Variants in MLH3 observed in about 807,000 individuals in gnomAD.
MLH3 encodes DNA mismatch repair protein Mlh3.
Under a neutral mutation model 122.2 loss-of-function variants are expected in MLH3, and 82 were observed. The observed-to-expected ratio is 0.67, with a 90% CI of 0.56 to 0.81. The LOEUF is 0.81. Among genes scored for constraint, MLH3 ranks in the 30% least tolerant of loss-of-function variants. MLH3 has a pLI of 0.00. For missense variants in MLH3, 1,539 were observed against 1,714.5 expected (o/e 0.90, Z 1.81); for synonymous variants, 524 against 599.5 (o/e 0.87, Z 1.84).
In MLH3 at chr14:75,049,394, T is replaced by C. The variant is rs984577349; in HGVS notation, c.262A>G (p.Arg88Gly). ...GCCTCTCCTCGGAAACCATAAAACC[T>C]TGGATTCTCCAAGTCCTGTACCGAG... ...CHSVQDLENP[R>G]FYGFRGEALA... Residue 88 changes from arginine (R) to glycine (G), a missense_variant, in exon 2 of 13, where the codon AGG becomes GGG. Coordinates refer to ENST00000355774, the MANE Select transcript of MLH3 (RefSeq NM_001040108.2). 2.5e-6 allele frequency: 4 copies of C among 1,614,040 alleles called. No individual in the cohort carries two copies. The highest frequency in any genetic ancestry group is 2.5e-6 in the Non-Finnish European group (3 of 1,180,034).
chr14:75,017,554 T>G (rs1348087470), intron 12 of MLH3, among the ~76,000 whole-genome samples: 1 of 151,852 alleles, frequency 6.6e-6, no homozygotes, highest in Non-Finnish European at 1.5e-5. Context: ...AAAAAAAAAT[T>G]GAAAATGTAG....
rs28756980 is a variant in MLH3 at position 75,048,990 on chromosome 14, C to T, written c.666G>A (p.Lys222=). ...CQIYGLGKSQ[K]LREISFKYKE... is the part of the protein sequence containing the mutation. ...TATATTTAAAACTTATTTCTCTTAGCTTTTGGGACTTTCCCAATCCATAAA... is the reference window on the plus strand; with the variant it reads ...TATATTTAAAACTTATTTCTCTTAGTTTTTGGGACTTTCCCAATCCATAAA... Residue 222 remains lysine, a synonymous_variant, in exon 2 of 13, where the codon AAG becomes AAA. Transcript: ENST00000355774. The T allele has an allele frequency of 0.012, 19,037 of 1,613,986 alleles. 234 individuals are homozygous for T. The highest frequency in any genetic ancestry group is 0.051 in the African/African-American group (3,839 of 75,018).
At chr14:75,035,190 T>C (rs572583738) in intron 6 of MLH3, among the ~76,000 whole-genome samples, 1 of 151,322 alleles carries the variant, frequency 6.6e-6, no homozygotes, top group South Asian at 2.1e-4. Context: ...GAGATTCTGA[T>C]CTCAAAAACA....
intron 6 of MLH3, 150 bp from the exon 7 acceptor site, chr14:75,033,640 A>G (rs1891198764): frequency 1.5e-6 from 1 of 685,050 alleles, no homozygotes; most frequent in Non-Finnish European, 2.7e-6. Context: ...TTTATTTCCT[A>G]AAACATGAAA....
chr14:75,016,972 G>A lies in MLH3; in HGVS notation c.*110C>T. The A allele has an allele frequency of 7.6e-7, 1 of 1,313,428 alleles. No homozygotes were observed. The highest frequency in any genetic ancestry group is 1.1e-6 in the Non-Finnish European group (1 of 913,002). 81.4% of individuals were successfully genotyped at this position (1,313,428 alleles called of 1,614,324 possible). A position where few individuals can be genotyped will look rare whatever the true frequency, so the allele number is the denominator to read the frequency against. On this transcript the variant is annotated 3_prime_UTR_variant, in exon 13 of 13. Transcript: ENST00000355774. ...AGCCCTGCTGTCTAAGCTGCTCAGG[G>A]ACACTGGGCTGATTCAGTCAGGGCC... is the stretch of plus-strand genomic sequence containing the variant.
intron 4 of MLH3, 36 bp downstream of exon 4, chr14:75,041,577 GAA>G (rs34505842): frequency 5.6e-6 from 7 of 1,258,310 alleles, no homozygotes; most frequent in African/African-American, 1.5e-5. Context: ...AGAAGAAGAA[GAA>G]AAAAAAAAGG....
chr14:75,028,857 A>G (rs1404782846), intron 9 of MLH3, among the ~76,000 whole-genome samples: 1 of 151,832 alleles, frequency 6.6e-6, no homozygotes, highest in Non-Finnish European at 1.5e-5. Flanking sequence ...GCTAGAGAAA[A>G]GAAAATGTTG....
chr14:75,016,940 T>C lies in MLH3; in HGVS notation c.*142A>G, dbSNP rs1009635684. On this transcript the variant is annotated 3_prime_UTR_variant, in exon 13 of 13. Coordinates refer to ENST00000355774, the MANE Select transcript of MLH3 (RefSeq NM_001040108.2). The stretch of plus-strand genomic sequence containing the variant: ...GAATCATCTGCTCAAGAAAGACTGA[T>C]ACAGAGAGCCCTGCTGTCTAAGCTG... 5.5e-6 allele frequency: 5 copies of C among 907,136 alleles called. No homozygotes were observed. The African/African-American group carries it at 8.1e-5, about 15-fold the overall frequency. The allele number at this position is 907,136 out of a possible 1,614,324, so 56.2% of individuals were successfully genotyped here. A position where few individuals can be genotyped will look rare whatever the true frequency, so the allele number is the denominator to read the frequency against.
At chr14:75,019,126 T>C in intron 11 of MLH3, 146 bp from the exon 12 acceptor site, 1 of 762,802 alleles carries the variant, frequency 1.3e-6, no homozygotes, top group East Asian at 2.7e-5. Context: ...AATTGGTGCT[T>C]ATAGGCCGGG....
At chr14:75,030,113 C>G (rs577700667) in intron 9 of MLH3, among the ~76,000 whole-genome samples, 1 of 152,166 alleles carries the variant, frequency 6.6e-6, no homozygotes, top group South Asian at 2.1e-4. Context: ...ATGATTGCAC[C>G]ACTGCACTCC....
In MLH3 at chr14:75,048,407, C is replaced by A. The variant is rs1892420067; in HGVS notation, c.1249G>T (p.Ala417Ser). 1 of 1,608,112 alleles carries A rather than the reference C, an allele frequency of 6.2e-7. No individual in the cohort carries two copies. Among genetic ancestry groups the A allele is most frequent in the Non-Finnish European group, 8.5e-7 (1 of 1,177,940 alleles). ...GAACTCTGTGTGTTTACGTTTTCTG[C>A]AGTAGTTTTTCTTTTCACAGCTTTT... ...QSKAVKRKTT[A>S]ENVNTQSSRD... Residue 417 changes from alanine (A) to serine (S), a missense_variant, in exon 2 of 13, where the codon GCA becomes TCA. Ala to Ser is a moderately conservative substitution (Grantham distance 99). Coordinates refer to ENST00000355774, the MANE Select transcript of MLH3 (RefSeq NM_001040108.2).
chr14:75,018,760 T>G (rs1379348302), intron 12 of MLH3, 69 bp downstream of exon 12: 1 of 1,549,242 alleles, frequency 6.5e-7, no homozygotes, highest in African/African-American at 1.4e-5. Context: ...TACAGTTGCA[T>G]AGTAAAAGCC....
At chr14:75,050,622 ACT>A (rs1892593209) in intron 1 of MLH3, among the ~76,000 whole-genome samples, 1 of 151,880 alleles carries the variant, frequency 6.6e-6, no homozygotes. Context: ...CTGGTCTCGA[ACT>A]CCTGAACTCA....
Position 75,047,266 on chromosome 14 carries a change from C to T in MLH3, c.2390G>A (p.Arg797His), listed in dbSNP as rs28756991. 3.5e-3 allele frequency: 5,663 copies of T among 1,614,070 alleles called. 174 individuals are homozygous for T. In the African/African-American group the frequency reaches 0.066, roughly 19 times the overall value. Residue 797 changes from arginine to histidine, a missense_variant, in exon 2 of 13, where the codon CGC (arginine) becomes CAC (histidine). Coordinates refer to ENST00000355774, the MANE Select transcript of MLH3 (RefSeq NM_001040108.2). The part of the protein sequence containing the change: ...EPDILLKDKN[R>H]LENSDVCKIT... ...TTTACAAACATCAGAGTTCTCTAAG[C>T]GGTTCTTGTCCTTCAGCAGAATGTC...
In MLH3 at chr14:75,015,463, A is replaced by AT. The variant is rs1566877807; in HGVS notation, c.*1618dup. ...CCTCAAATTGGTCTGGCCTTAAAAG[A>AT]TTTTTACAACTCCCAGGACAGTTGG... On this transcript the variant is annotated 3_prime_UTR_variant, in exon 13 of 13. Coordinates refer to ENST00000355774, the MANE Select transcript of MLH3 (RefSeq NM_001040108.2). 1.1e-5 allele frequency: 2 copies of AT among 180,662 alleles called. No homozygotes were observed. The highest frequency in any genetic ancestry group is 2.4e-5 in the Non-Finnish European group (2 of 84,600). 11.2% of individuals were successfully genotyped at this position (180,662 alleles called of 1,614,324 possible). A position where few individuals can be genotyped will look rare whatever the true frequency, so the allele number is the denominator to read the frequency against.
At position 75,017,039 on chromosome 14, in the gene MLH3, C is replaced by G; in HGVS notation, c.*43G>C. 6.2e-7 allele frequency: 1 copy of G among 1,609,120 alleles called. No homozygotes were observed. The highest frequency in any genetic ancestry group is 1.7e-4 in the Middle Eastern group (1 of 6,010). ...CTGCTGCTCTCTGCTCAGAGGCATACAGTGAACATCCCTTTGTTCCTTTTA... is the reference window on the plus strand; with the variant it reads ...CTGCTGCTCTCTGCTCAGAGGCATAGAGTGAACATCCCTTTGTTCCTTTTA... On this transcript the variant is annotated 3_prime_UTR_variant, in exon 13 of 13. Coordinates refer to ENST00000355774, the MANE Select transcript of MLH3 (RefSeq NM_001040108.2).
chr14:75,027,684 A>C (rs1196135965), intron 9 of MLH3, among the ~76,000 whole-genome samples: 11 of 150,096 alleles, frequency 7.3e-5, no homozygotes, highest in African/African-American at 2.4e-4. Flanking sequence ...AAAAAAAAAA[A>C]AAAAAAAAAA....
At chr14:75,019,410 C>CAAAA (rs11306878) in intron 11 of MLH3, among the ~76,000 whole-genome samples, 1 of 68,634 alleles carries the variant, frequency 1.5e-5, no homozygotes, top group Non-Finnish European at 2.8e-5. Flanking sequence ...ACTCCGTTCT[C>CAAAA]AAAAAAAAAA....
chr14:75,041,626 G>A lies in MLH3; in HGVS notation c.3454C>T (p.Arg1152Cys), dbSNP rs569011240. The change falls in exon 4 of 13, where the codon CGT (arginine) becomes TGT (cysteine). Residue 1152 changes from arginine to cysteine, a missense_variant. By Grantham distance (180) the Arg-to-Cys change is radical (BLOSUM62 -3). Transcript: ENST00000355774. ...TGCTACAGACCCACCTCTGGATAAC[G>A]GGCAAATACTGGATTGTCCCATTCT... is the stretch of plus-strand genomic sequence containing the variant. ...FSEWDNPVFARYPEVAVDVSS... is the reference protein window; with the variant it reads ...FSEWDNPVFACYPEVAVDVSS... 15 of 1,612,982 alleles carry A rather than the reference G, an allele frequency of 9.3e-6. No individual in the cohort carries two copies. In the South Asian group the frequency reaches 9.9e-5, roughly 11 times the overall value.
Sources: allele counts gnomAD v4.1 joint callset (sites outside exome capture counted in the v4.1 genomes callset), GRCh38; gene constraint gnomAD v4.1.1; transcripts MANE v1.5; gene names NCBI Gene and HGNC (gene_info 2026-07-23, HGNC 2026-07-21).